The following ACSS3 variants were observed in gnomAD, a reference collection of about 807,000 sequenced individuals.
The protein encoded by ACSS3 is acyl-CoA synthetase short chain family member 3, also known as acyl-CoA synthetase short-chain family member 3, mitochondrial.
In ACSS3, 64 loss-of-function variants were observed where a neutral mutation model predicts 84.2. The ratio of observed to expected loss-of-function variants is 0.76; its 90% CI spans 0.62 to 0.94. The LOEUF (loss-of-function observed/expected upper bound fraction) is 0.94, where lower values mean the gene tolerates loss of function less well. ACSS3 is among the 40% of genes least tolerant of loss of function. The pLI is 0.00. For synonymous variants in ACSS3, 317 were observed against 310.1 expected (o/e 1.02, Z -0.23); for missense variants, 815 against 867.6 (o/e 0.94, Z 0.76).
chr12:81,216,006 A>G (rs903378841), intron 9 of ACSS3, among the ~76,000 whole-genome samples: 2 of 152,128 alleles, frequency 1.3e-5, no homozygotes, highest in African/African-American at 4.8e-5. Context: ...GGCTTCTAAC[A>G]TCCAGGAACA....
intron 5 of ACSS3, among the ~76,000 whole-genome samples, chr12:81,148,158 T>C (rs1176491428): frequency 8.0e-6 from 1 of 125,586 alleles, no homozygotes; most frequent in African/African-American, 2.6e-5. Context: ...TTAAAGACCA[T>C]TAAAAAAAAA....
intron 7 of ACSS3, among the ~76,000 whole-genome samples, chr12:81,154,695 G>A (rs1236924406): frequency 6.6e-6 from 1 of 152,138 alleles, no homozygotes; most frequent in Non-Finnish European, 1.5e-5. Flanking sequence ...TTTCATAGAA[G>A]CTGCTGCAGC....
chr12:81,098,181 A>T (rs10746178), intron 1 of ACSS3, among the ~76,000 whole-genome samples: 107,599 of 134,918 alleles, frequency 0.8, 42,491 homozygotes, highest in Admixed American at 0.87. Context: ...TGTGTGTGTG[A>T]GACTGTGCCC....
chr12:81,096,216 T>A (rs1468523042), intron 1 of ACSS3, among the ~76,000 whole-genome samples: 1 of 152,238 alleles, frequency 6.6e-6, no homozygotes, highest in Admixed American at 6.5e-5. Flanking sequence ...TAAGAGTCTT[T>A]TTATTATTTG....
chr12:81,254,418 G>A (rs2034245347), intron 15 of ACSS3, among the ~76,000 whole-genome samples: 1 of 152,108 alleles, frequency 6.6e-6, no homozygotes, highest in Non-Finnish European at 1.5e-5. Flanking sequence ...TGCTAATTTT[G>A]TAATTATTTT....
chr12:81,195,525 T>C (rs771048850), intron 8 of ACSS3, among the ~76,000 whole-genome samples: 73 of 152,084 alleles, frequency 4.8e-4, no homozygotes, highest in Non-Finnish European at 9.9e-4. Context: ...ATTACAAATA[T>C]ATACATTTGA....
At chr12:81,119,569 T>C (rs1593079038) in intron 2 of ACSS3, among the ~76,000 whole-genome samples, 2 of 152,240 alleles carry the variant, frequency 1.3e-5, no homozygotes, top group East Asian at 3.9e-4. Flanking sequence ...TCCCCAGGAA[T>C]GCATTCCTTT....
intron 8 of ACSS3, among the ~76,000 whole-genome samples, chr12:81,188,509 C>T (rs1413157735): frequency 6.6e-6 from 1 of 152,022 alleles, no homozygotes; most frequent in East Asian, 1.9e-4. Flanking sequence ...TTTGTCCTTT[C>T]CCAACCATTA....
In ACSS3 at chr12:81,172,259, C is replaced by CAAAAAA. The variant is rs775755412; in HGVS notation, c.1099-2516_1099-2511dup. 6.1e-4 allele frequency among the ~76,000 whole-genome samples: 35 copies of CAAAAAA among 56,982 alleles called. 12 individuals carry two copies. The highest frequency in any genetic ancestry group is 1.8e-3 in the Admixed American group (7 of 3,902). The allele number at this position is 56,982 out of a possible 152,430, so 37.4% of individuals were successfully genotyped here. ...CCAGCCTGAGAGTGAGGCTCTGTCT[C>CAAAAAA]AAAAAAAAAAAAAAAAAAGGCCCTG... is the stretch of plus-strand genomic sequence containing the variant. On this transcript the variant is annotated intron_variant, in intron 7 of 15. Coordinates refer to ENST00000548058, the MANE Select transcript of ACSS3 (RefSeq NM_024560.4).
intron 1 of ACSS3, among the ~76,000 whole-genome samples, chr12:81,087,737 G>C (rs1358997416): frequency 6.6e-6 from 1 of 151,936 alleles, no homozygotes; most frequent in Non-Finnish European, 1.5e-5. Flanking sequence ...CAAATACCTA[G>C]ACTGTGCCTT....
intron 9 of ACSS3, among the ~76,000 whole-genome samples, chr12:81,205,676 C>A (rs1038039533): frequency 6.6e-6 from 1 of 152,026 alleles, no homozygotes; most frequent in African/African-American, 2.4e-5. Context: ...TCCATTGTTC[C>A]TCCTGAATTC....
At chr12:81,198,260 A>G (rs1188620437) in intron 8 of ACSS3, among the ~76,000 whole-genome samples, 1 of 152,160 alleles carries the variant, frequency 6.6e-6, no homozygotes, top group Non-Finnish European at 1.5e-5. Flanking sequence ...TTGGGATTAT[A>G]AAGATACATG....
Position 81,244,866 on chromosome 12 carries a change from A to G in ACSS3, c.1720-8441A>G, listed in dbSNP as rs548438561. 9.3e-4 allele frequency among the ~76,000 whole-genome samples: 142 copies of G among 152,170 alleles called. 1 individual carries two copies. Among genetic ancestry groups the G allele is most frequent in the African/African-American group, 3.3e-3 (135 of 41,520 alleles). ...CAGATAATTCCAATATTCCTGTCAT[A>G]TGAAACTCTGTTTCTAATGCTTCTT... On this transcript the variant is annotated intron_variant, in intron 13 of 15. Coordinates refer to ENST00000548058, the MANE Select transcript of ACSS3 (RefSeq NM_024560.4).
intron 1 of ACSS3, among the ~76,000 whole-genome samples, chr12:81,088,995 T>G (rs1269573387): frequency 1.3e-5 from 2 of 151,930 alleles, no homozygotes; most frequent in Non-Finnish European, 2.9e-5. Flanking sequence ...GTTGACAGCT[T>G]CTTTAGAAAT....
intron 8 of ACSS3, among the ~76,000 whole-genome samples, chr12:81,199,089 C>G (rs192789031): frequency 9.9e-5 from 15 of 152,258 alleles, no homozygotes; most frequent in Non-Finnish European, 2.1e-4. Context: ...CTCAATTGCT[C>G]TTTTATAAAC....
chr12:81,104,400 A>T (rs969165409), intron 1 of ACSS3, among the ~76,000 whole-genome samples: 1 of 152,194 alleles, frequency 6.6e-6, no homozygotes, highest in African/African-American at 2.4e-5. Flanking sequence ...CCAGAAAAAT[A>T]GTGTGGCCTC....
chr12:81,215,716 T>C (rs1483363258), intron 9 of ACSS3, among the ~76,000 whole-genome samples: 1 of 152,224 alleles, frequency 6.6e-6, no homozygotes, highest in East Asian at 1.9e-4. Flanking sequence ...AACCAAATAC[T>C]ATTTTCCTGC....
chr12:81,082,145 G>GTTAAGATGTTAAGATGTTAAGATGA (rs1191306541), intron 1 of ACSS3, among the ~76,000 whole-genome samples: 1 of 152,130 alleles, frequency 6.6e-6, no homozygotes, highest in Non-Finnish European at 1.5e-5. Flanking sequence ...GTTAAGATTT[G>GTTAAGATGTTAAGATGTTAAGATGA]GGCTTCCATT....
At chr12:81,084,769 A>G (rs1881208702) in intron 1 of ACSS3, among the ~76,000 whole-genome samples, 1 of 152,194 alleles carries the variant, frequency 6.6e-6, no homozygotes, top group Non-Finnish European at 1.5e-5. Flanking sequence ...GAAAAGATAA[A>G]AATAGTGGTC....
Sources: allele counts gnomAD v4.1 joint callset (sites outside exome capture counted in the v4.1 genomes callset), GRCh38; gene constraint gnomAD v4.1.1; transcripts MANE v1.5; gene names NCBI Gene and HGNC (gene_info 2026-07-23, HGNC 2026-07-21).